Variants in GPR137C observed in about 807,000 individuals in gnomAD.
The protein encoded by GPR137C is G protein-coupled receptor 137C, also known as integral membrane protein GPR137C.
GPR137C carries 27 observed loss-of-function variants against 43.4 expected under a neutral mutation model. That is an observed-to-expected ratio of 0.62 (90% CI 0.46 to 0.86). The LOEUF (loss-of-function observed/expected upper bound fraction) is 0.86. GPR137C is among the 40% of genes least tolerant of loss of function. The pLI, the probability that GPR137C is intolerant of heterozygous loss-of-function variation, is 0.00. For missense variants in GPR137C, 522 were observed against 534.6 expected (o/e 0.98, Z 0.23); for synonymous variants, 285 against 226.9 (o/e 1.26, Z -2.30).
chr14:52,600,537 G>C, intron 3 of GPR137C, among the ~76,000 whole-genome samples, 196 bp downstream of exon 3: 1 of 152,138 alleles, frequency 6.6e-6, no homozygotes, highest in East Asian at 1.9e-4. Context: ...GTACAGCCTT[G>C]AGCTTTTGGG....
chr14:52,578,814 C>T (rs549366286), intron 1 of GPR137C, among the ~76,000 whole-genome samples: 2 of 152,186 alleles, frequency 1.3e-5, no homozygotes, highest in East Asian at 3.9e-4. Context: ...CGTGGTGGCA[C>T]GTGCCTTTAG....
chr14:52,562,817 A>G (rs1485318035), intron 1 of GPR137C, among the ~76,000 whole-genome samples: 1 of 152,250 alleles, frequency 6.6e-6, no homozygotes, highest in Non-Finnish European at 1.5e-5. Context: ...TAATAAGCTA[A>G]TCATCTAATT....
In GPR137C at chr14:52,567,621, G is replaced by A. The variant is rs369522720; in HGVS notation, c.444+14030G>A. ...TAAGCAGTTGTAAGCTATTGTCAGC[G>A]TTCATCACTGCTTACATTCAGATTG... is the stretch of plus-strand genomic sequence containing the variant. On this transcript the variant is annotated intron_variant, in intron 1 of 6. Coordinates refer to ENST00000321662, the MANE Select transcript of GPR137C (RefSeq NM_001099652.2). Among the ~76,000 whole-genome samples the A allele has an allele frequency of 8.0e-5, 12 of 149,244 alleles. No individual in the cohort carries two copies. The East Asian group carries it at 1.4e-3, about 17-fold the overall frequency.
At chr14:52,600,016 T>G in intron 2 of GPR137C, 97 bp from the exon 3 acceptor site, 2 of 772,908 alleles carry the variant, frequency 2.6e-6, no homozygotes, top group Non-Finnish European at 4.2e-6. Flanking sequence ...CATTTCAAAC[T>G]GAAGGAATTC....
At chr14:52,624,737 A>AC (rs397852378) in intron 3 of GPR137C, among the ~76,000 whole-genome samples, 2 of 150,896 alleles carry the variant, frequency 1.3e-5, no homozygotes, top group East Asian at 1.9e-4. Context: ...AAAAAAAAAA[A>AC]CTGAAATAAT....
At chr14:52,564,274 C>CAAAAAAAAAA (rs34302766) in intron 1 of GPR137C, among the ~76,000 whole-genome samples, 1 of 93,256 alleles carries the variant, frequency 1.1e-5, no homozygotes, top group African/African-American at 4.0e-5. Flanking sequence ...GACTTCGTCT[C>CAAAAAAAAAA]AAAAAAAAAA....
chr14:52,577,799 CAAA>C (rs564080315), intron 1 of GPR137C, among the ~76,000 whole-genome samples: 6 of 104,232 alleles, frequency 5.8e-5, no homozygotes, highest in African/African-American at 7.1e-5. Flanking sequence ...ACCATCTCTA[CAAA>C]AAAAAAAAAA....
At chr14:52,579,033 T>C (rs2038605549) in intron 1 of GPR137C, among the ~76,000 whole-genome samples, 1 of 152,194 alleles carries the variant, frequency 6.6e-6, no homozygotes, top group African/African-American at 2.4e-5. Context: ...GGCTGAACTA[T>C]TTGTTACAGA....
At chr14:52,568,427 G>A (rs1022877467) in intron 1 of GPR137C, among the ~76,000 whole-genome samples, 4 of 151,934 alleles carry the variant, frequency 2.6e-5, no homozygotes, top group Admixed American at 6.5e-5. Flanking sequence ...TTCATACCCC[G>A]GTGGCACCTG....
chr14:52,584,727 C>G (rs1473606797), intron 1 of GPR137C, among the ~76,000 whole-genome samples: 1 of 152,124 alleles, frequency 6.6e-6, no homozygotes, highest in African/African-American at 2.4e-5. Context: ...TCCTCTGCCT[C>G]AGCCTCCCAA....
At chr14:52,564,882 T>C (rs1489144613) in intron 1 of GPR137C, among the ~76,000 whole-genome samples, 1 of 152,020 alleles carries the variant, frequency 6.6e-6, no homozygotes, top group Non-Finnish European at 1.5e-5. Flanking sequence ...CAGCAGAATT[T>C]GGTCTACCCT....
chr14:52,619,231 A>G (rs981387131), intron 3 of GPR137C, among the ~76,000 whole-genome samples: 1 of 152,174 alleles, frequency 6.6e-6, no homozygotes, highest in Non-Finnish European at 1.5e-5. Context: ...GCAATGGTTT[A>G]TGGTAACTTA....
intron 3 of GPR137C, among the ~76,000 whole-genome samples, chr14:52,605,985 A>T (rs1027460850): frequency 6.6e-6 from 1 of 152,106 alleles, no homozygotes; most frequent in Non-Finnish European, 1.5e-5. Context: ...TTCATCAGAG[A>T]TGTTGGCCTG....
At chr14:52,624,618 G>T (rs2039199731) in intron 3 of GPR137C, among the ~76,000 whole-genome samples, 1 of 151,922 alleles carries the variant, frequency 6.6e-6, no homozygotes, top group Admixed American at 6.6e-5. Flanking sequence ...CAGCTGCTCA[G>T]GAGGCTGAAG....
rs78173764 is a variant in GPR137C, at chr14:52,574,445, A to T, written c.444+20854A>T. ...GACATGGATGAAGCTGGAAACCATC[A>T]TTCTCAGCAGACTAACACAGGAATG... On this transcript the variant is annotated intron_variant, in intron 1 of 6. Transcript: ENST00000321662. Among the ~76,000 whole-genome samples the T allele has an allele frequency of 4.8e-3, 736 of 152,324 alleles. 13 individuals carry two copies. Among genetic ancestry groups the T allele is most frequent in the Admixed American group, 0.039 (596 of 15,292 alleles).
In GPR137C at chr14:52,632,246, C is replaced by A; in HGVS notation, c.804C>A (p.Val268=). The change falls in exon 4 of 7, where the codon GTC becomes GTA. Residue 268 remains valine (V), a synonymous_variant. Transcript: ENST00000321662. ...SSRACYNLVV[V]TISQDTLESP... is the part of the protein sequence containing the mutation. ...GAGCTTGTTATAATTTGGTGGTGGT[C>A]ACCATATCTCAGGATACATTAGAAA... 1 of 1,610,552 alleles carries A rather than the reference C, an allele frequency of 6.2e-7. No homozygotes were observed. Among genetic ancestry groups the A allele is most frequent in the South Asian group, 1.1e-5 (1 of 90,968 alleles).
In GPR137C at chr14:52,627,279, G is replaced by C. The variant is rs1360098435; in HGVS notation, c.718-4881G>C. Among the ~76,000 whole-genome samples, 6 of 152,196 alleles carry C rather than the reference G, an allele frequency of 3.9e-5. No individual in the cohort carries two copies. The East Asian group carries it at 1.2e-3, about 29-fold the overall frequency. ...ATGGTGGTGTGCACCTGTAGTCCTA[G>C]CTAACTGGGGAGCTGAGGTAGGAGG... On this transcript the variant is annotated intron_variant, in intron 3 of 6. Coordinates refer to ENST00000321662, the MANE Select transcript of GPR137C (RefSeq NM_001099652.2).
chr14:52,614,126 T>G (rs2039070178), intron 3 of GPR137C, among the ~76,000 whole-genome samples: 1 of 151,158 alleles, frequency 6.6e-6, no homozygotes, highest in Non-Finnish European at 1.5e-5. Context: ...ACTTTTTCTT[T>G]TTTTTTTTTT....
At chr14:52,631,999 G>C (rs1219122513) in intron 3 of GPR137C, among the ~76,000 whole-genome samples, 161 bp from the exon 4 acceptor site, 1 of 151,792 alleles carries the variant, frequency 6.6e-6, no homozygotes, top group East Asian at 1.9e-4. Flanking sequence ...AGCAGTTCTA[G>C]GAATAGGAAT....
Sources: allele counts gnomAD v4.1 joint callset (sites outside exome capture counted in the v4.1 genomes callset), GRCh38; gene constraint gnomAD v4.1.1; transcripts MANE v1.5; gene names NCBI Gene and HGNC (gene_info 2026-07-23, HGNC 2026-07-21).